ME1: variants seen among roughly 807,000 people sequenced by gnomAD.
ME1 encodes the protein NADP-dependent malic enzyme.
In ME1, 74 loss-of-function variants were observed where a neutral mutation model predicts 66.4. The observed-to-expected ratio is 1.11, with a 90% CI of 0.92 to 1.35. The LOEUF (loss-of-function observed/expected upper bound fraction) is 1.35. Ranked by LOEUF, ME1 falls within the 40% of genes most tolerant of loss-of-function variation. The probability of loss-of-function intolerance (pLI) is 0.00; values close to 1 mark genes in which losing one functional copy is unlikely to be tolerated. For synonymous variants in ME1, 251 were observed against 235.6 expected, an observed-to-expected ratio of 1.07 and a Z score of -0.60; for missense variants, 750 against 694.1, an observed-to-expected ratio of 1.08 and a Z score of -0.90.
At chr6:83,278,355 A>G (rs1209140878) in intron 6 of ME1, among the ~76,000 whole-genome samples, 2 of 152,232 alleles carry the variant, frequency 1.3e-5, no homozygotes, top group African/African-American at 2.4e-5. Flanking sequence ...CAGGAGCTTC[A>G]TTAGGTTTTG....
At chr6:83,241,995 T>G (rs1176102499) in intron 7 of ME1, among the ~76,000 whole-genome samples, 1 of 152,078 alleles carries the variant, frequency 6.6e-6, no homozygotes, top group East Asian at 1.9e-4. Context: ...CCCAAGTAAC[T>G]AGGATTACAG....
chr6:83,343,085 C>T (rs1768619933), intron 5 of ME1, among the ~76,000 whole-genome samples: 1 of 152,136 alleles, frequency 6.6e-6, no homozygotes, highest in African/African-American at 2.4e-5. Context: ...TCACCCTACT[C>T]TGCTATCAAA....
chr6:83,216,924 G>C (rs1790005258), intron 12 of ME1, among the ~76,000 whole-genome samples: 2 of 152,160 alleles, frequency 1.3e-5, no homozygotes, highest in South Asian at 4.1e-4. Flanking sequence ...AAGAAAGAAA[G>C]AGGAAGATGA....
chr6:83,261,747 C>T (rs1474310983), intron 6 of ME1, among the ~76,000 whole-genome samples: 2 of 152,050 alleles, frequency 1.3e-5, no homozygotes, highest in African/African-American at 4.8e-5. Context: ...GGCGCGGTGG[C>T]TCACGCCTGT....
intron 3 of ME1, among the ~76,000 whole-genome samples, chr6:83,354,724 C>T (rs1334858088): frequency 2.0e-5 from 3 of 152,174 alleles, no homozygotes; most frequent in African/African-American, 7.2e-5. Flanking sequence ...CATCACCCAG[C>T]GTACATGTAC....
At chr6:83,356,351 C>A (rs1352563032) in intron 3 of ME1, among the ~76,000 whole-genome samples, 3 of 152,060 alleles carry the variant, frequency 2.0e-5, no homozygotes, top group Non-Finnish European at 4.4e-5. Context: ...GTGAGTTAAG[C>A]CAACGCTGAG....
intron 3 of ME1, among the ~76,000 whole-genome samples, chr6:83,367,763 C>T (rs1313342579): frequency 6.6e-6 from 1 of 152,150 alleles, no homozygotes; most frequent in Non-Finnish European, 1.5e-5. Flanking sequence ...ATCTTCTATC[C>T]AGACCATTCA....
Position 83,237,833 on chromosome 6 carries a change from C to A in ME1, c.913-3G>T. ...AGGTGTGCAATCCCTAGGGCAGCCT[C>A]AGTGATGAAAAGAAAAAATTTTAAA... On this transcript the variant is annotated splice_polypyrimidine_tract_variant and splice_region_variant and intron_variant, in intron 8 of 13. Coordinates refer to ENST00000369705, the MANE Select transcript of ME1 (RefSeq NM_002395.6). 6.4e-7 allele frequency: 1 copy of A among 1,552,448 alleles called. No homozygotes were observed.
At chr6:83,403,123 A>T (rs539894821) in intron 2 of ME1, among the ~76,000 whole-genome samples, 2 of 152,278 alleles carry the variant, frequency 1.3e-5, no homozygotes, top group South Asian at 4.2e-4. Context: ...ACATCACCCA[A>T]GGATTTGGCA....
At chr6:83,341,009 A>G (rs1283365170) in intron 5 of ME1, among the ~76,000 whole-genome samples, 1 of 152,062 alleles carries the variant, frequency 6.6e-6, no homozygotes, top group Non-Finnish European at 1.5e-5. Flanking sequence ...CTTAGCGACC[A>G]TAACTGAGAG....
In ME1 at chr6:83,227,489, A is replaced by G. The variant is rs1016847977; in HGVS notation, c.1133-12T>C. 6.3e-7 allele frequency: 1 copy of G among 1,585,944 alleles called. No individual in the cohort carries two copies. Among genetic ancestry groups the G allele is most frequent in the Non-Finnish European group, 8.6e-7 (1 of 1,162,600 alleles). On this transcript the variant is annotated splice_polypyrimidine_tract_variant and intron_variant, in intron 10 of 13. Transcript: ENST00000369705. ...AATTGCAGCAACTCCTAATGAAGAA[A>G]TATGAAGCTGGTAATTAACACTATC...
chr6:83,247,985 C>A (rs1034376542), intron 7 of ME1, among the ~76,000 whole-genome samples: 1 of 152,098 alleles, frequency 6.6e-6, no homozygotes, highest in African/African-American at 2.4e-5. Flanking sequence ...ATTGTGGTGA[C>A]CTGCTTGGGG....
At chr6:83,232,059 T>G (rs569912932) in intron 9 of ME1, among the ~76,000 whole-genome samples, 4 of 152,310 alleles carry the variant, frequency 2.6e-5, no homozygotes, top group Non-Finnish European at 5.9e-5. Flanking sequence ...GCCAAGATTT[T>G]GGGCTATTAT....
intron 3 of ME1, among the ~76,000 whole-genome samples, chr6:83,382,543 A>G (rs1343632694): frequency 6.6e-6 from 1 of 152,142 alleles, no homozygotes; most frequent in Non-Finnish European, 1.5e-5. Context: ...ATAGTAGAGC[A>G]ATATTCCTAA....
chr6:83,293,233 G>T (rs1767536075), intron 6 of ME1, among the ~76,000 whole-genome samples: 1 of 152,144 alleles, frequency 6.6e-6, no homozygotes, highest in East Asian at 1.9e-4. Context: ...CATCGATCTT[G>T]CTGGGAGCTG....
At chr6:83,367,687 A>C (rs1769125184) in intron 3 of ME1, among the ~76,000 whole-genome samples, 1 of 152,322 alleles carries the variant, frequency 6.6e-6, no homozygotes, top group East Asian at 1.9e-4. Flanking sequence ...CCTTCCCAGA[A>C]ATGAAGAGAG....
chr6:83,416,197 T>C (rs940408226), intron 1 of ME1, among the ~76,000 whole-genome samples: 4 of 152,208 alleles, frequency 2.6e-5, no homozygotes, highest in African/African-American at 4.8e-5. Context: ...GTTATGTGTG[T>C]TTCACTGGGT....
intron 1 of ME1, among the ~76,000 whole-genome samples, chr6:83,409,674 G>T (rs1348106409): frequency 2.0e-5 from 3 of 152,218 alleles, no homozygotes; most frequent in Non-Finnish European, 4.4e-5. Flanking sequence ...ATGACGCCAT[G>T]ATAGAGCTCT....
intron 6 of ME1, among the ~76,000 whole-genome samples, chr6:83,305,804 C>T (rs975819368): frequency 2.0e-5 from 3 of 152,140 alleles, no homozygotes; most frequent in Non-Finnish European, 2.9e-5. Flanking sequence ...TAATTTCTGA[C>T]CTTACCCCCA....
Sources: gnomAD v4.1 joint callset for allele counts (sites outside exome capture counted in the v4.1 genomes callset) on GRCh38, gnomAD v4.1.1 for gene constraint, MANE v1.5 for transcripts, NCBI Gene and HGNC (gene_info 2026-07-23, HGNC 2026-07-21) for gene names.